Variants in GBE1 observed in about 807,000 individuals in gnomAD.
GBE1 encodes the protein 1,4-alpha-glucan-branching enzyme.
Under a neutral mutation model 88.8 loss-of-function variants are expected in GBE1, and 70 were observed. The observed-to-expected ratio is 0.79, with a 90% CI of 0.65 to 0.96. The LOEUF (loss-of-function observed/expected upper bound fraction) is 0.96, where lower values mean the gene tolerates loss of function less well. Among genes scored for constraint, GBE1 ranks in the 40% least tolerant of loss-of-function variants. The pLI is 0.00. For synonymous variants in GBE1, 284 were observed against 300.1 expected (o/e 0.95, Z 0.56); for missense variants, 872 against 871.0 (o/e 1.00, Z -0.01).
chr3:81,611,735 G>A (rs1383155855), intron 7 of GBE1, among the ~76,000 whole-genome samples: 1 of 152,090 alleles, frequency 6.6e-6, no homozygotes, highest in Non-Finnish European at 1.5e-5. Flanking sequence ...GATGAGAATT[G>A]TCTATAATTG....
rs560354060 is a variant in GBE1, at chr3:81,628,383, A to G, written c.992+14398T>C. Reference sequence around the variant, plus strand: ...GAAAAGCATACAGATAAGAACATGAAGAAGACCCTAGATGGAATCTTGTGG... The same window carrying G: ...GAAAAGCATACAGATAAGAACATGAGGAAGACCCTAGATGGAATCTTGTGG... On this transcript the variant is annotated intron_variant, in intron 7 of 15. Transcript: ENST00000429644. Among the ~76,000 whole-genome samples, 465 of 152,220 alleles carry G rather than the reference A, an allele frequency of 3.1e-3. 1 individual carries two copies. The highest frequency in any genetic ancestry group is 0.011 in the African/African-American group (441 of 41,546).
chr3:81,557,574 T>C (rs1396185630), intron 12 of GBE1, among the ~76,000 whole-genome samples: 1 of 151,898 alleles, frequency 6.6e-6, no homozygotes, highest in Non-Finnish European at 1.5e-5. Context: ...GAGGATGACT[T>C]CAGTTTTGGA....
chr3:81,491,178 G>C (rs1702431743), intron 15 of GBE1, among the ~76,000 whole-genome samples: 1 of 152,108 alleles, frequency 6.6e-6, no homozygotes, highest in Non-Finnish European at 1.5e-5. Flanking sequence ...TGCCTTGCTG[G>C]TTCCTTATCT....
At chr3:81,559,688 A>T (rs372939560) in intron 12 of GBE1, among the ~76,000 whole-genome samples, 97 of 152,062 alleles carry the variant, frequency 6.4e-4, no homozygotes, top group African/African-American at 2.2e-3. Flanking sequence ...AATTGGTTTT[A>T]TACACTCTGC....
chr3:81,718,647 G>T (rs532213655), intron 1 of GBE1, among the ~76,000 whole-genome samples: 24 of 151,942 alleles, frequency 1.6e-4, no homozygotes, highest in South Asian at 4.2e-4. Context: ...GTTTTGTTTT[G>T]TTTTTTGAGA....
At chr3:81,495,647 T>C (rs1234617452) in intron 15 of GBE1, among the ~76,000 whole-genome samples, 1 of 152,200 alleles carries the variant, frequency 6.6e-6, no homozygotes, top group Non-Finnish European at 1.5e-5. Flanking sequence ...TACAGAAATG[T>C]ATATTAGCTC....
intron 2 of GBE1, among the ~76,000 whole-genome samples, chr3:81,696,351 T>C (rs1705594860): frequency 6.6e-6 from 1 of 152,218 alleles, no homozygotes; most frequent in Non-Finnish European, 1.5e-5. Flanking sequence ...TCAGATAAGC[T>C]ACCTGTGGCA....
At chr3:81,642,616 T>A in intron 7 of GBE1, 165 bp downstream of exon 7, 2 of 559,042 alleles carry the variant, frequency 3.6e-6, no homozygotes, top group Non-Finnish European at 6.2e-6. Flanking sequence ...CACAAATACA[T>A]GTGCTATACA....
chr3:81,507,903 T>G (rs1299600265), intron 14 of GBE1, among the ~76,000 whole-genome samples: 1 of 152,090 alleles, frequency 6.6e-6, no homozygotes, highest in Non-Finnish European at 1.5e-5. Context: ...AACAAAAGGT[T>G]TCTGGTTTTA....
At chr3:81,628,792 G>A (rs1305476343) in intron 7 of GBE1, among the ~76,000 whole-genome samples, 5 of 106,058 alleles carry the variant, frequency 4.7e-5, no homozygotes, top group African/African-American at 1.7e-4. Context: ...TAGCAACAGA[G>A]TATGTTACTA....
In GBE1 at chr3:81,642,979, G is replaced by T; in HGVS notation, c.794C>A (p.Thr265Lys). 6.2e-7 allele frequency: 1 copy of T among 1,606,580 alleles called. No individual in the cohort carries two copies. ...SFFAASSRYG[T>K]PEELQELVDT... is the part of the protein sequence containing the mutation. ...TACCAGTTCTTGTAGCTCTTCAGGTGTTCCATAACGGCTAACAATGAAGAA... is the reference window on the plus strand; with the variant it reads ...TACCAGTTCTTGTAGCTCTTCAGGTTTTCCATAACGGCTAACAATGAAGAA... Residue 265 changes from threonine to lysine, a missense_variant, in exon 7 of 16, where the codon ACA becomes AAA. Coordinates refer to ENST00000429644, the MANE Select transcript of GBE1 (RefSeq NM_000158.4).
intron 6 of GBE1, among the ~76,000 whole-genome samples, chr3:81,644,246 A>T (rs1379630295): frequency 6.6e-6 from 1 of 152,186 alleles, no homozygotes; most frequent in Admixed American, 6.6e-5. Flanking sequence ...TAGAATGTCG[A>T]TAATAATAAG....
chr3:81,540,985 C>T (rs1294697599), intron 12 of GBE1, among the ~76,000 whole-genome samples: 1 of 152,008 alleles, frequency 6.6e-6, no homozygotes, highest in Non-Finnish European at 1.5e-5. Flanking sequence ...TAGAACACTC[C>T]TGGCACCTGA....
intron 14 of GBE1, among the ~76,000 whole-genome samples, chr3:81,524,345 T>C (rs908758727): frequency 6.6e-6 from 1 of 151,904 alleles, no homozygotes; most frequent in Admixed American, 6.6e-5. Flanking sequence ...GATTATTAAA[T>C]TTTTTCCTAT....
chr3:81,551,947 A>G (rs911726713), intron 12 of GBE1, among the ~76,000 whole-genome samples: 2 of 152,208 alleles, frequency 1.3e-5, no homozygotes, highest in African/African-American at 4.8e-5. Flanking sequence ...GCTGAATGTT[A>G]GAACTAGGGA....
At chr3:81,719,820 A>G (rs1705995901) in intron 1 of GBE1, among the ~76,000 whole-genome samples, 1 of 152,168 alleles carries the variant, frequency 6.6e-6, no homozygotes, top group African/African-American at 2.4e-5. Context: ...TTTTTTACCT[A>G]AAACAATAAT....
At chr3:81,710,312 A>G (rs1300892848) in intron 1 of GBE1, among the ~76,000 whole-genome samples, 2 of 130,274 alleles carry the variant, frequency 1.5e-5, no homozygotes, top group Admixed American at 1.8e-4. Context: ...TCGGCTCACT[A>G]CAAGCTCCGC....
rs989581211 is a variant in GBE1, at chr3:81,646,584, C to T, written c.692-102G>A. The stretch of plus-strand genomic sequence containing the variant: ...TTCCAAATACATTAAAATTTACAAA[C>T]AATCTAGAAGCTTTGGTCGTCTTGA... On this transcript the variant is annotated intron_variant, in intron 5 of 15. Transcript: ENST00000429644. 4.4e-6 allele frequency: 3 copies of T among 683,680 alleles called. No homozygotes were observed. In the African/African-American group the frequency reaches 5.6e-5, roughly 13 times the overall value. 42.4% of individuals were successfully genotyped at this position (683,680 alleles called of 1,614,324 possible).
intron 2 of GBE1, among the ~76,000 whole-genome samples, chr3:81,688,718 C>G (rs1370556731): frequency 6.6e-6 from 1 of 151,594 alleles, no homozygotes; most frequent in African/African-American, 2.4e-5. Flanking sequence ...TTGTGTAGAC[C>G]AAGATTTAAA....
Sources: gnomAD v4.1 joint callset for allele counts (sites outside exome capture counted in the v4.1 genomes callset) on GRCh38, gnomAD v4.1.1 for gene constraint, MANE v1.5 for transcripts, NCBI Gene and HGNC (gene_info 2026-07-23, HGNC 2026-07-21) for gene names.